Variants in NRXN1 observed in about 807,000 individuals in gnomAD.
NRXN1 encodes the protein neurexin-1.
NRXN1 carries 39 observed loss-of-function variants against 150.9 expected under a neutral mutation model. That is an observed-to-expected ratio of 0.26 (90% CI 0.20 to 0.34). The LOEUF (loss-of-function observed/expected upper bound fraction) is 0.34, where lower values mean the gene tolerates loss of function less well. Among genes scored for constraint, NRXN1 ranks in the 10% least tolerant of loss-of-function variants. The probability of loss-of-function intolerance (pLI) is 1.00; values close to 1 mark genes in which losing one functional copy is unlikely to be tolerated. For synonymous variants in NRXN1, 924 were observed against 757.0 expected (o/e 1.22, Z -3.62); for missense variants, 1,815 against 1,949.9 (o/e 0.93, Z 1.30).
intron 17 of NRXN1, among the ~76,000 whole-genome samples, chr2:50,242,718 G>A (rs1047819533): frequency 6.6e-6 from 1 of 151,524 alleles, no homozygotes; most frequent in Non-Finnish European, 1.5e-5. Flanking sequence ...AAGATGCCAG[G>A]AAAAGAAAAA....
chr2:50,726,369 G>A (rs987318314), intron 5 of NRXN1, among the ~76,000 whole-genome samples: 2 of 152,176 alleles, frequency 1.3e-5, no homozygotes, highest in African/African-American at 4.8e-5. Context: ...AACCTTAGCT[G>A]CGCGTGGTGG....
chr2:50,400,685 T>G (rs570799988), intron 17 of NRXN1, among the ~76,000 whole-genome samples: 10 of 152,228 alleles, frequency 6.6e-5, no homozygotes, highest in Admixed American at 5.9e-4. Context: ...AAGGTTCTGC[T>G]CAAAATCTGT....
chr2:50,046,394 C>T (rs1225033087), intron 21 of NRXN1, among the ~76,000 whole-genome samples: 1 of 152,174 alleles, frequency 6.6e-6, no homozygotes, highest in Non-Finnish European at 1.5e-5. Flanking sequence ...GCTGAAGAAA[C>T]ATAAATTCAC....
intron 22 of NRXN1, among the ~76,000 whole-genome samples, chr2:49,932,601 TTAAC>T (rs765312409): frequency 1.6e-4 from 25 of 152,188 alleles, no homozygotes; most frequent in Non-Finnish European, 3.2e-4. Flanking sequence ...GTAAACTTAC[TTAAC>T]TAAGTAATCA....
chr2:50,590,043 G>A lies in NRXN1; in HGVS notation c.1320+29979C>T, dbSNP rs142921976. ...TGTATTTATGGAACACCTGTCATGTGACAATAACTGTGTAAGGTTCATTGC... is the reference window on the plus strand; with the variant it reads ...TGTATTTATGGAACACCTGTCATGTAACAATAACTGTGTAAGGTTCATTGC... On this transcript the variant is annotated intron_variant, in intron 8 of 22. Coordinates refer to ENST00000401669, the MANE Select transcript of NRXN1 (RefSeq NM_001330078.2). 3.1e-4 allele frequency among the ~76,000 whole-genome samples: 47 copies of A among 152,304 alleles called. 1 individual carries two copies. In the East Asian group the frequency reaches 8.1e-3, roughly 26 times the overall value.
chr2:50,651,182 A>G (rs1472664650), intron 5 of NRXN1, among the ~76,000 whole-genome samples: 1 of 152,032 alleles, frequency 6.6e-6, no homozygotes, highest in Non-Finnish European at 1.5e-5. Context: ...TTTTTCTGTA[A>G]TTCTTTAAAA....
intron 2 of NRXN1, among the ~76,000 whole-genome samples, chr2:50,945,940 T>G (rs966298470): frequency 2.0e-5 from 3 of 147,956 alleles, no homozygotes; most frequent in African/African-American, 7.4e-5. Context: ...TTGTAAAGTA[T>G]TATTATTATT....
At chr2:50,045,072 A>G (rs940931721) in intron 21 of NRXN1, among the ~76,000 whole-genome samples, 13 of 152,192 alleles carry the variant, frequency 8.5e-5, no homozygotes, top group Non-Finnish European at 1.0e-4. Flanking sequence ...GAATAAAGGC[A>G]GAGAAATTAC....
In NRXN1 at chr2:50,235,156, T is replaced by C. The variant is rs545633682; in HGVS notation, c.3546+1633A>G. 2.0e-5 allele frequency among the ~76,000 whole-genome samples: 3 copies of C among 152,194 alleles called. No individual in the cohort carries two copies. The South Asian group carries it at 6.2e-4, about 32-fold the overall frequency. On this transcript the variant is annotated intron_variant, in intron 18 of 22. Transcript: ENST00000401669. ...GAAAAGGCCCTTGTTTTCATTTTTA[T>C]TTATTTATTTTTTGAAGTAGCAAAG...
At chr2:49,924,173 G>T (rs868803167) in intron 22 of NRXN1, among the ~76,000 whole-genome samples, 1 of 152,242 alleles carries the variant, frequency 6.6e-6, no homozygotes, top group African/African-American at 2.4e-5. Context: ...TTTTACTATG[G>T]TGTCTCAAGA....
At chr2:50,472,822 T>TGC (rs1437416925) in intron 15 of NRXN1, among the ~76,000 whole-genome samples, 1 of 123,868 alleles carries the variant, frequency 8.1e-6, no homozygotes, top group African/African-American at 3.0e-5. Context: ...TGTGTGTGTG[T>TGC]GTGTGTGTAT....
chr2:50,933,371 C>T (rs1019963064), intron 2 of NRXN1, among the ~76,000 whole-genome samples: 6 of 152,002 alleles, frequency 3.9e-5, no homozygotes, highest in Non-Finnish European at 8.8e-5. Context: ...TTATAAAATG[C>T]AAATTTGGTA....
chr2:50,513,181 T>C (rs918962787), intron 12 of NRXN1, among the ~76,000 whole-genome samples: 4 of 152,230 alleles, frequency 2.6e-5, no homozygotes, highest in African/African-American at 7.2e-5. Context: ...CTTTGCACTT[T>C]GTGTAATCTC....
chr2:50,347,398 C>T lies in NRXN1; in HGVS notation c.3365-110428G>A. 1 of 1,177,466 alleles carries T rather than the reference C, an allele frequency of 8.5e-7. No individual in the cohort carries two copies. The highest frequency in any genetic ancestry group is 1.1e-6 in the Non-Finnish European group (1 of 935,214). The allele number at this position is 1,177,466 out of a possible 1,614,324, so 72.9% of individuals were successfully genotyped here. On this transcript the variant is annotated intron_variant, in intron 17 of 22. Transcript: ENST00000401669. This position sits in a 1 kb window ranked among gnomAD's most constrained non-coding sequence, Gnocchi z 4.9. ...TCCACCGCGAATCCACTAGGTAAAT[C>T]CATTTAGCTTTGTGTGCGGGGACTA...
At chr2:50,476,623 A>G (rs2090011349) in intron 15 of NRXN1, among the ~76,000 whole-genome samples, 1 of 152,122 alleles carries the variant, frequency 6.6e-6, no homozygotes, top group African/African-American at 2.4e-5. Flanking sequence ...TTCCACTGAG[A>G]AATGCAGAAG....
At chr2:50,814,196 A>G (rs1668611240) in intron 5 of NRXN1, among the ~76,000 whole-genome samples, 1 of 152,092 alleles carries the variant, frequency 6.6e-6, no homozygotes, top group Non-Finnish European at 1.5e-5. Flanking sequence ...AGCACCTCCC[A>G]GTGTTGCTCA....
rs57580154 is a variant in NRXN1 at position 50,026,859 on chromosome 2, C to CTTTTTTTTTTT, written c.4128+26401_4128+26411dup. On this transcript the variant is annotated intron_variant, in intron 21 of 22. Coordinates refer to ENST00000401669, the MANE Select transcript of NRXN1 (RefSeq NM_001330078.2). ...TTGCATTGTTTAAGTCTTTTCTTTTCTTTTTTTTTTTTTTTTTTTTTTTTT... is the reference window on the plus strand; with the variant it reads ...TTGCATTGTTTAAGTCTTTTCTTTTCTTTTTTTTTTTTTTTTTTTTTTTTTTTTTTTTTTTT... Among the ~76,000 whole-genome samples, 297 of 65,234 alleles carry CTTTTTTTTTTT rather than the reference C, an allele frequency of 4.6e-3. 83 individuals carry two copies. Among genetic ancestry groups the CTTTTTTTTTTT allele is most frequent in the African/African-American group, 7.0e-3 (109 of 15,542 alleles). 42.8% of individuals were successfully genotyped at this position (65,234 alleles called of 152,430 possible).
At chr2:50,826,943 C>A (rs2105859271) in intron 5 of NRXN1, among the ~76,000 whole-genome samples, 1 of 152,224 alleles carries the variant, frequency 6.6e-6, no homozygotes, top group East Asian at 1.9e-4. Flanking sequence ...TCTTTCAGAC[C>A]AGCATTTGGA....
At chr2:50,694,179 A>C (rs1692476924) in intron 5 of NRXN1, among the ~76,000 whole-genome samples, 1 of 152,200 alleles carries the variant, frequency 6.6e-6, no homozygotes, top group Non-Finnish European at 1.5e-5. Flanking sequence ...AATGGGTACC[A>C]AATAGAAACG....
Sources: allele counts gnomAD v4.1 joint callset (sites outside exome capture counted in the v4.1 genomes callset), GRCh38; gene constraint gnomAD v4.1.1; non-coding constraint Gnocchi (gnomAD v3.1); transcripts MANE v1.5; gene names NCBI Gene and HGNC (gene_info 2026-07-23, HGNC 2026-07-21).